SLC2A1: variants seen among roughly 807,000 people sequenced by gnomAD.
SLC2A1 encodes solute carrier family 2 member 1.
SLC2A1 carries 4 observed loss-of-function variants against 46.6 expected under a neutral mutation model. The ratio of observed to expected loss-of-function variants is 0.09; its 90% confidence interval spans 0.04 to 0.20. The LOEUF is 0.20. SLC2A1 is among the 10% of genes least tolerant of loss of function. The probability of loss-of-function intolerance (pLI) is 1.00; values close to 1 mark genes in which losing one functional copy is unlikely to be tolerated. For synonymous variants in SLC2A1, 253 were observed against 270.0 expected, an observed-to-expected ratio of 0.94 and a Z score of 0.62; for missense variants, 352 against 667.0, an observed-to-expected ratio of 0.53 and a Z score of 5.20.
At chr1:42,943,078 C>A (rs993953157) in intron 2 of SLC2A1, 148 bp downstream of exon 2, 1 of 696,570 alleles carries the variant, frequency 1.4e-6, no homozygotes, top group Non-Finnish European at 2.6e-6. Context: ...CTGACATGAT[C>A]AGGGCCAGAA....
At chr1:42,948,075 G>A (rs972481561) in intron 1 of SLC2A1, among the ~76,000 whole-genome samples, 1 of 152,082 alleles carries the variant, frequency 6.6e-6, no homozygotes, top group Admixed American at 6.5e-5. Flanking sequence ...ACTGGGCTCA[G>A]GGTCCAGCAC....
intron 8 of SLC2A1, among the ~76,000 whole-genome samples, 195 bp from the exon 9 acceptor site, chr1:42,928,003 G>A (rs1469841477): frequency 6.6e-6 from 1 of 152,214 alleles, no homozygotes; most frequent in Admixed American, 6.5e-5. Context: ...CCTGCAGGGT[G>A]GCTGCAAGTG....
At chr1:42,932,676 G>A (rs745369088) in intron 2 of SLC2A1, among the ~76,000 whole-genome samples, 3 of 152,136 alleles carry the variant, frequency 2.0e-5, no homozygotes, top group Non-Finnish European at 4.4e-5. Context: ...CCAACCCACT[G>A]AGGTCTAGCA....
Position 42,930,047 on chromosome 1 carries a change from A to G in SLC2A1, c.517-12T>C, listed in dbSNP as rs1177572393. ...TCCAGGCCGAACACCTGGGGGAAGCAGGGGCCGTGAGCGCCTCTGCCCTGA... is the reference window on the plus strand; with the variant it reads ...TCCAGGCCGAACACCTGGGGGAAGCGGGGGCCGTGAGCGCCTCTGCCCTGA... On this transcript the variant is annotated splice_polypyrimidine_tract_variant and intron_variant, in intron 4 of 9. Coordinates refer to ENST00000426263, the MANE Select transcript of SLC2A1 (RefSeq NM_006516.4). The surrounding 1 kb of genome is among the most constrained non-coding windows in gnomAD (Gnocchi z 6.2). The G allele has an allele frequency of 2.5e-6, 4 of 1,613,608 alleles. No individual in the cohort carries two copies. The East Asian group carries it at 6.7e-5, about 27-fold the overall frequency.
intron 2 of SLC2A1, among the ~76,000 whole-genome samples, chr1:42,937,674 G>A (rs1276435225): frequency 1.3e-5 from 2 of 152,240 alleles, no homozygotes; most frequent in Non-Finnish European, 2.9e-5. Flanking sequence ...GCCTAATGGG[G>A]TTATTTTGAA....
rs767510220 is a variant in SLC2A1 at position 42,927,150 on chromosome 1, C to G, written c.1370G>C (p.Gly457Ala). 1 of 1,614,102 alleles carries G rather than the reference C, an allele frequency of 6.2e-7. No individual in the cohort carries two copies. The highest frequency in any genetic ancestry group is 8.5e-7 in the Non-Finnish European group (1 of 1,180,020). The change falls in exon 10 of 10, where the codon GGC (glycine) becomes GCC (alanine). Residue 457 changes from glycine (G) to alanine (A), a missense_variant. By Grantham distance (60) the Gly-to-Ala change is moderately conservative. Coordinates refer to ENST00000426263, the MANE Select transcript of SLC2A1 (RefSeq NM_006516.4). The surrounding 1 kb of genome is among the most constrained non-coding windows in gnomAD (Gnocchi z 5.3). Reference protein sequence around the residue: ...FTYFKVPETKGRTFDEIASGF... With the variant: ...FTYFKVPETKARTFDEIASGF... The stretch of plus-strand genomic sequence containing the variant: ...GGAAGCGATCTCATCGAAGGTCCGG[C>G]CTTTAGTCTCAGGAACTTTGAAGTA...
intron 1 of SLC2A1, among the ~76,000 whole-genome samples, chr1:42,955,351 G>C (rs958216931): frequency 2.6e-5 from 4 of 152,218 alleles, no homozygotes; most frequent in Non-Finnish European, 5.9e-5. Flanking sequence ...GCTCACGCCT[G>C]TAATCCCAAC....
At chr1:42,937,054 A>C (rs1038983674) in intron 2 of SLC2A1, among the ~76,000 whole-genome samples, 2 of 152,182 alleles carry the variant, frequency 1.3e-5, no homozygotes, top group African/African-American at 2.4e-5. Context: ...GGCCTCTACA[A>C]CACCAGCAGA....
chr1:42,949,939 C>T (rs1056358258), intron 1 of SLC2A1, among the ~76,000 whole-genome samples: 1 of 152,198 alleles, frequency 6.6e-6, no homozygotes, highest in Non-Finnish European at 1.5e-5. Flanking sequence ...AAGGTTTCTA[C>T]CTGGTGCTTT....
intron 1 of SLC2A1, among the ~76,000 whole-genome samples, chr1:42,948,485 G>A (rs1278357258): frequency 6.6e-6 from 1 of 152,202 alleles, no homozygotes; most frequent in African/African-American, 2.4e-5. Context: ...TTCCCCAGGT[G>A]CAGGGAAGCA....
rs1407189135 is a variant in SLC2A1, at chr1:42,927,217, T to C, written c.1303A>G (p.Ile435Val). Reference sequence around the variant, plus strand: ...AGAACCAGGAGCACAGTGAAGATGATGAAGACGTAGGGACCACACAGTTGC... The same window carrying C: ...AGAACCAGGAGCACAGTGAAGATGACGAAGACGTAGGGACCACACAGTTGC... The part of the protein sequence containing the change: ...VEQLCGPYVF[I>V]IFTVLLVLFF... The change falls in exon 10 of 10, where the codon ATC becomes GTC. Residue 435 changes from isoleucine (I) to valine (V), a missense_variant. Ile to Val is a conservative substitution (Grantham distance 29, BLOSUM62 3). Around this residue, in one of 5 missense-constraint regions of SLC2A1, gnomAD observed 35 missense variants for 107.2 expected, o/e 0.33. Coordinates refer to ENST00000426263, the MANE Select transcript of SLC2A1 (RefSeq NM_006516.4). This position sits in a 1 kb window ranked among gnomAD's most constrained non-coding sequence, Gnocchi z 5.3. The C allele has an allele frequency of 2.5e-6, 4 of 1,613,988 alleles. No homozygotes were observed. In the African/African-American group the frequency reaches 5.3e-5, roughly 22 times the overall value.
At chr1:42,943,534 T>G (rs1194371131) in intron 1 of SLC2A1, among the ~76,000 whole-genome samples, 1 of 152,020 alleles carries the variant, frequency 6.6e-6, no homozygotes, top group African/African-American at 2.4e-5. Flanking sequence ...GGCCATTTCC[T>G]GGGGAGAGAG....
chr1:42,930,456 A>G lies in SLC2A1; in HGVS notation c.516+170T>C. 1.1e-6 allele frequency: 1 copy of G among 893,820 alleles called. No individual in the cohort carries two copies. The highest frequency in any genetic ancestry group is 1.8e-6 in the Non-Finnish European group (1 of 547,718). 55.4% of individuals were successfully genotyped at this position (893,820 alleles called of 1,614,324 possible). A position where few individuals can be genotyped will look rare whatever the true frequency, so the allele number is the denominator to read the frequency against. On this transcript the variant is annotated intron_variant, in intron 4 of 9. Coordinates refer to ENST00000426263, the MANE Select transcript of SLC2A1 (RefSeq NM_006516.4). This position sits in a 1 kb window ranked among gnomAD's most constrained non-coding sequence, Gnocchi z 6.2. The stretch of plus-strand genomic sequence containing the variant: ...GAAGAGTCAAGTCATCTTGCTGTCA[A>G]CTGGGAGGCCATGGTGCTGTGTTCT...
intron 1 of SLC2A1, among the ~76,000 whole-genome samples, chr1:42,955,755 G>A (rs1643765493): frequency 6.6e-6 from 1 of 152,182 alleles, no homozygotes; most frequent in South Asian, 2.1e-4. Context: ...CTTCACGAAG[G>A]GTGGGGTGAG....
intron 2 of SLC2A1, 108 bp downstream of exon 2, chr1:42,943,118 C>T (rs371616227): frequency 1.4e-4 from 104 of 769,008 alleles, no homozygotes; most frequent in African/African-American, 1.3e-3. Flanking sequence ...CAGTACAGTG[C>T]GTTCATATAA....
At chr1:42,952,145 G>A in intron 1 of SLC2A1, 1 of 513,868 alleles carries the variant, frequency 1.9e-6, no homozygotes, top group Non-Finnish European at 3.5e-6. Context: ...GAAGGGATAT[G>A]TGTCTCAGGC....
chr1:42,929,841 G>T lies in SLC2A1; in HGVS notation c.679+32C>A. 6.2e-7 allele frequency: 1 copy of T among 1,614,188 alleles called. No individual in the cohort carries two copies. Among genetic ancestry groups the T allele is most frequent in the Non-Finnish European group, 8.5e-7 (1 of 1,180,010 alleles). ...AGTGGGAAGAAGGCCAGGGCTCAGGGAGTGGGGAGGAGGGCAGGGCCATGC... is the reference window on the plus strand; with the variant it reads ...AGTGGGAAGAAGGCCAGGGCTCAGGTAGTGGGGAGGAGGGCAGGGCCATGC... On this transcript the variant is annotated intron_variant, in intron 5 of 9. Transcript: ENST00000426263. The surrounding 1 kb of genome is among the most constrained non-coding windows in gnomAD (Gnocchi z 6.0).
At chr1:42,957,830 TG>T (rs1232397390) in intron 1 of SLC2A1, among the ~76,000 whole-genome samples, 3 of 152,250 alleles carry the variant, frequency 2.0e-5, no homozygotes, top group Non-Finnish European at 2.9e-5. Context: ...GACTTCAGCC[TG>T]GGGCTCTTTC....
At chr1:42,957,408 C>A (rs1288604816) in intron 1 of SLC2A1, among the ~76,000 whole-genome samples, 1 of 152,164 alleles carries the variant, frequency 6.6e-6, no homozygotes, top group Non-Finnish European at 1.5e-5. Flanking sequence ...CAGCGCCACC[C>A]CGCTCAGTCT....
Sources: allele counts gnomAD v4.1 joint callset (sites outside exome capture counted in the v4.1 genomes callset), GRCh38; gene constraint gnomAD v4.1.1; regional missense constraint gnomAD v4.1.1; non-coding constraint Gnocchi (gnomAD v3.1); transcripts MANE v1.5; gene names NCBI Gene and HGNC (gene_info 2026-07-23, HGNC 2026-07-21).